Variants in SORBS2 observed in about 807,000 individuals in gnomAD.
The protein encoded by SORBS2 is sorbin and SH3 domain-containing protein 2.
Under a neutral mutation model 97.7 loss-of-function variants are expected in SORBS2, and 46 were observed. That is an observed-to-expected ratio of 0.47 (90% CI 0.37 to 0.60). SORBS2 has a LOEUF of 0.60. SORBS2 is among the 20% of genes least tolerant of loss of function. The pLI, the probability that SORBS2 is intolerant of heterozygous loss-of-function variation, is 0.00. For synonymous variants in SORBS2, 476 were observed against 473.4 expected (o/e 1.01, Z -0.07); for missense variants, 1,316 against 1,282.3 (o/e 1.03, Z -0.40).
At chr4:185,931,982 C>CTCCG (rs2149969142) in intron 1 of SORBS2, among the ~76,000 whole-genome samples, 1 of 148,358 alleles carries the variant, frequency 6.7e-6, no homozygotes, top group African/African-American at 2.5e-5. Context: ...GAACCTGTCT[C>CTCCG]TCTCTCTCTC....
At chr4:185,879,487 C>T (rs897918437) in intron 1 of SORBS2, among the ~76,000 whole-genome samples, 125 of 152,256 alleles carry the variant, frequency 8.2e-4, no homozygotes, top group Admixed American at 1.4e-3. Context: ...CATACGTGTG[C>T]ATGTGTCTTT....
At chr4:185,742,064 C>T (rs756077562) in intron 2 of SORBS2, among the ~76,000 whole-genome samples, 2 of 152,202 alleles carry the variant, frequency 1.3e-5, no homozygotes, top group Non-Finnish European at 2.9e-5. Context: ...TGCATTATTT[C>T]TGATTGGACT....
At chr4:185,609,444 A>G (rs1339565062) in intron 12 of SORBS2, among the ~76,000 whole-genome samples, 1 of 152,178 alleles carries the variant, frequency 6.6e-6, no homozygotes, top group Non-Finnish European at 1.5e-5. Flanking sequence ...TGCTGCGACT[A>G]CGCTGTGCCG....
chr4:185,611,300 T>C (rs888175312), intron 12 of SORBS2, among the ~76,000 whole-genome samples: 2 of 152,058 alleles, frequency 1.3e-5, no homozygotes, highest in Admixed American at 1.3e-4. Context: ...TATTTTGAGA[T>C]ATACATAGTA....
chr4:185,722,226 G>A (rs1469002470), intron 2 of SORBS2, among the ~76,000 whole-genome samples: 2 of 152,164 alleles, frequency 1.3e-5, no homozygotes, highest in Non-Finnish European at 1.5e-5. Flanking sequence ...AACAGTGTCA[G>A]GGACATATGG....
At chr4:185,710,375 G>A (rs1304018150) in intron 2 of SORBS2, among the ~76,000 whole-genome samples, 4 of 152,208 alleles carry the variant, frequency 2.6e-5, no homozygotes, top group African/African-American at 9.6e-5. Context: ...AAGGCATGAA[G>A]TGTTCAAACT....
intron 1 of SORBS2, among the ~76,000 whole-genome samples, chr4:185,953,953 C>T (rs1013298165): frequency 6.6e-6 from 1 of 152,224 alleles, no homozygotes; most frequent in African/African-American, 2.4e-5. Context: ...GAGGACATCC[C>T]GGAGGGAGAC....
chr4:185,787,287 A>G (rs1047087564), intron 1 of SORBS2, among the ~76,000 whole-genome samples: 10 of 152,224 alleles, frequency 6.6e-5, no homozygotes, highest in African/African-American at 2.4e-4. Flanking sequence ...AACAACAGCA[A>G]TAATGAATAG....
At chr4:185,918,379 A>G (rs1250859529) in intron 1 of SORBS2, 3 of 152,236 alleles carry the variant, frequency 2.0e-5, no homozygotes, top group African/African-American at 7.2e-5. Context: ...TAAATTGTTT[A>G]CGAGTAATTT....
chr4:185,900,872 C>G (rs1297494682), intron 1 of SORBS2, among the ~76,000 whole-genome samples: 1 of 152,148 alleles, frequency 6.6e-6, no homozygotes, highest in South Asian at 2.1e-4. Context: ...TGCTTTTAAT[C>G]TACAGCCCAA....
chr4:185,942,061 A>G (rs1432866301), intron 1 of SORBS2, among the ~76,000 whole-genome samples: 2 of 152,052 alleles, frequency 1.3e-5, no homozygotes, highest in Non-Finnish European at 2.9e-5. Context: ...GGTTGCAGTG[A>G]GCCAAGATCA....
intron 2 of SORBS2, among the ~76,000 whole-genome samples, chr4:185,765,463 A>G (rs138275969): frequency 1.3e-5 from 2 of 152,332 alleles, no homozygotes; most frequent in East Asian, 3.9e-4. Context: ...GATTTTTAAC[A>G]TCAAACGTTT....
intron 4 of SORBS2, among the ~76,000 whole-genome samples, chr4:185,635,882 A>C (rs1388372904): frequency 6.6e-6 from 1 of 151,774 alleles, no homozygotes; most frequent in Non-Finnish European, 1.5e-5. Flanking sequence ...TTTTTGAGAC[A>C]GGGTTTCACT....
rs367650050 is a variant in SORBS2 at position 185,724,097 on chromosome 4, C to G, written c.-197-45275G>C. On this transcript the variant is annotated intron_variant, in intron 2 of 20. Coordinates refer to the SORBS2 transcript ENST00000284776. ...GCTTTCAAGGGTCTAATAAATTAGC[C>G]TTTCGTTGTTTCAACTTCCAAGTGA... Among the ~76,000 whole-genome samples, 9 of 152,238 alleles carry G rather than the reference C, an allele frequency of 5.9e-5. No homozygotes were observed. In the East Asian group the frequency reaches 7.7e-4, roughly 13 times the overall value.
intron 1 of SORBS2, among the ~76,000 whole-genome samples, chr4:185,813,406 C>T (rs2099190240): frequency 6.6e-6 from 1 of 152,174 alleles, no homozygotes; most frequent in South Asian, 2.1e-4. Context: ...CTGAGCCACC[C>T]AGGGTCAGCG....
intron 1 of SORBS2, among the ~76,000 whole-genome samples, chr4:185,908,323 T>TA (rs1579431419): frequency 1.2e-4 from 12 of 103,670 alleles, no homozygotes; most frequent in Non-Finnish European, 1.5e-4. Flanking sequence ...ATATATATAT[T>TA]TGTATACACA....
intron 1 of SORBS2, among the ~76,000 whole-genome samples, chr4:185,921,614 C>A (rs911558992): frequency 2.6e-5 from 4 of 152,100 alleles, no homozygotes; most frequent in South Asian, 2.1e-4. Flanking sequence ...TCTGAAAAAA[C>A]AAAGAAGGAC....
chr4:185,809,262 C>G (rs1457118987), intron 1 of SORBS2, among the ~76,000 whole-genome samples: 1 of 150,932 alleles, frequency 6.6e-6, no homozygotes, highest in Non-Finnish European at 1.5e-5. Context: ...CAGCAAAGCT[C>G]TGGAAGGCTG....
At chr4:185,721,155 A>G (rs1210635092) in intron 2 of SORBS2, among the ~76,000 whole-genome samples, 4 of 137,242 alleles carry the variant, frequency 2.9e-5, no homozygotes, top group Non-Finnish European at 4.6e-5. Flanking sequence ...GCTCACTGCA[A>G]CCTCTGCCTC....
Sources: gnomAD v4.1 joint callset for allele counts (sites outside exome capture counted in the v4.1 genomes callset) on GRCh38, gnomAD v4.1.1 for gene constraint, MANE v1.5 for transcripts, NCBI Gene and HGNC (gene_info 2026-07-23, HGNC 2026-07-21) for gene names.